IL23R: variants seen among roughly 807,000 people sequenced by gnomAD.
The protein encoded by IL23R is interleukin 23 receptor.
A neutral mutation model predicts 56.9 loss-of-function variants in IL23R; 34 were observed. That is an observed-to-expected ratio of 0.60 (90% CI 0.45 to 0.80). The LOEUF (loss-of-function observed/expected upper bound fraction) is 0.80, where lower values mean the gene tolerates loss of function less well. Ranked by LOEUF, IL23R falls within the 30% of genes least tolerant of loss-of-function variation. The probability of loss-of-function intolerance (pLI) is 0.00; values close to 1 mark genes in which losing one functional copy is unlikely to be tolerated. For missense variants in IL23R, 635 were observed against 730.0 expected, an observed-to-expected ratio of 0.87 and a Z score of 1.50; for synonymous variants, 230 against 249.2, an observed-to-expected ratio of 0.92 and a Z score of 0.73.
intron 1 of IL23R, among the ~76,000 whole-genome samples, chr1:67,147,556 C>T (rs1035925644): frequency 2.0e-5 from 3 of 151,934 alleles, no homozygotes; most frequent in Non-Finnish European, 4.4e-5. Flanking sequence ...AAAAATTAGC[C>T]AGGCGTGTTG....
intron 1 of IL23R, among the ~76,000 whole-genome samples, chr1:67,158,976 A>G (rs1190833982): frequency 5.4e-5 from 1 of 18,510 alleles, no homozygotes; most frequent in Admixed American, 4.7e-4. Context: ...TAGTGAGACT[A>G]TCACTATCAT....
At chr1:67,245,985 A>G (rs1418155463) in intron 9 of IL23R, among the ~76,000 whole-genome samples, 2 of 152,142 alleles carry the variant, frequency 1.3e-5, no homozygotes, top group Non-Finnish European at 2.9e-5. Context: ...CCTCAATTTC[A>G]GAACTGGTTT....
intron 4 of IL23R, among the ~76,000 whole-genome samples, chr1:67,184,823 A>C (rs1382511686): frequency 6.6e-6 from 1 of 152,134 alleles, no homozygotes; most frequent in Non-Finnish European, 1.5e-5. Flanking sequence ...TCCTCCTAAA[A>C]TTCATATGTT....
chr1:67,224,377 A>G (rs973214724), intron 7 of IL23R, among the ~76,000 whole-genome samples: 5 of 152,246 alleles, frequency 3.3e-5, no homozygotes, highest in Non-Finnish European at 7.3e-5. Flanking sequence ...TTTATGAAGA[A>G]ACACAGCCCA....
At chr1:67,163,263 G>A (rs1646838568), upstream of IL23R, among the ~76,000 whole-genome samples, 2 of 151,860 alleles carry the variant, frequency 1.3e-5, no homozygotes, top group Admixed American at 6.6e-5. Context: ...GAGATTAGGA[G>A]TTTGAGACCA....
chr1:67,258,308 G>A (rs1267672016), intron 10 of IL23R, among the ~76,000 whole-genome samples, 170 bp from the exon 11 acceptor site: 1 of 152,008 alleles, frequency 6.6e-6, no homozygotes, highest in Non-Finnish European at 1.5e-5. Context: ...TTGGAAGCAA[G>A]CAGGATAACA....
intron 1 of IL23R, among the ~76,000 whole-genome samples, chr1:67,149,933 C>G (rs1570756140): frequency 6.6e-6 from 1 of 152,142 alleles, no homozygotes; most frequent in Middle Eastern, 3.4e-3. Flanking sequence ...TTCTGGTAAC[C>G]CTCTTAAGGA....
chr1:67,169,730 A>G (rs2102556568), intron 3 of IL23R, 92 bp downstream of exon 3: 1 of 1,190,484 alleles, frequency 8.4e-7, no homozygotes, highest in Admixed American at 1.7e-5. Context: ...GGGACAAAAT[A>G]ATATAGTTCA....
At chr1:67,156,438 C>CGA (rs1646770631) in intron 1 of IL23R, among the ~76,000 whole-genome samples, 1 of 152,132 alleles carries the variant, frequency 6.6e-6, no homozygotes, top group Non-Finnish European at 1.5e-5. Flanking sequence ...GTGTTCTGTC[C>CGA]CAGGGAGAAG....
intron 9 of IL23R, among the ~76,000 whole-genome samples, chr1:67,245,312 C>A (rs1558262986): frequency 6.6e-6 from 1 of 152,128 alleles, no homozygotes; most frequent in Non-Finnish European, 1.5e-5. Context: ...CTTTCTCTTG[C>A]CTGATTGCCC....
At chr1:67,181,497 G>A (rs1261418139) in intron 3 of IL23R, among the ~76,000 whole-genome samples, 1 of 152,108 alleles carries the variant, frequency 6.6e-6, no homozygotes, top group African/African-American at 2.4e-5. Context: ...GTCCTTTAAG[G>A]ACTTCTCTGC....
intron 3 of IL23R, among the ~76,000 whole-genome samples, chr1:67,177,871 G>A (rs1472400393): frequency 7.3e-5 from 11 of 151,084 alleles, no homozygotes; most frequent in Non-Finnish European, 1.5e-5. Flanking sequence ...TTATTAAATA[G>A]GGAATCCTTT....
intron 7 of IL23R, among the ~76,000 whole-genome samples, chr1:67,222,385 G>T (rs958429666): frequency 6.6e-6 from 1 of 152,092 alleles, no homozygotes; most frequent in African/African-American, 2.4e-5. Context: ...CCAAAGTGCT[G>T]GGATTACAGG....
At chr1:67,218,439 T>G (rs1650017974) in intron 6 of IL23R, among the ~76,000 whole-genome samples, 1 of 151,276 alleles carries the variant, frequency 6.6e-6, no homozygotes, top group Non-Finnish European at 1.5e-5. Context: ...ACAGCTTAGC[T>G]TATAGGTATT....
chr1:67,138,723 A>T (rs193128767), upstream of IL23R, among the ~76,000 whole-genome samples: 165 of 152,302 alleles, frequency 1.1e-3, no homozygotes, highest in African/African-American at 3.8e-3. Flanking sequence ...TTGTAACTTA[A>T]TGGGAATTTT....
intron 6 of IL23R, among the ~76,000 whole-genome samples, chr1:67,214,561 G>A (rs1649705206): frequency 1.3e-5 from 2 of 152,222 alleles, no homozygotes; most frequent in Non-Finnish European, 2.9e-5. Context: ...GGCCTATGTA[G>A]CACCACCAGG....
Position 67,207,551 on chromosome 1 carries a change from C to T in IL23R, c.798+496C>T, listed in dbSNP as rs577232142. 48 of 329,080 alleles carry T rather than the reference C, an allele frequency of 1.5e-4. 1 individual carries two copies. The highest frequency in any genetic ancestry group is 5.4e-4 in the South Asian group (20 of 37,142). The allele number at this position is 329,080 out of a possible 1,614,324, so 20.4% of individuals were successfully genotyped here. A position where few individuals can be genotyped will look rare whatever the true frequency, so the allele number is the denominator to read the frequency against. ...AGGCCAGTCTTTCCCACACTAGTCT[C>T]GTGATAGTGAATAAGTCTCACGAGA... is the stretch of plus-strand genomic sequence containing the variant. On this transcript the variant is annotated intron_variant, in intron 6 of 10. Transcript: ENST00000347310.
At chr1:67,264,156 C>A (rs1653283382), downstream of IL23R, among the ~76,000 whole-genome samples, 1 of 152,218 alleles carries the variant, frequency 6.6e-6, no homozygotes, top group African/African-American at 2.4e-5. Flanking sequence ...CAAAACCAAA[C>A]CTTCCTATAC....
chr1:67,227,430 CT>C (rs3052957), intron 7 of IL23R, among the ~76,000 whole-genome samples: 38 of 147,158 alleles, frequency 2.6e-4, no homozygotes, highest in African/African-American at 4.2e-4. Flanking sequence ...TCATATTACT[CT>C]TTTTTTTTTT....
Sources: gnomAD v4.1 joint callset for allele counts (sites outside exome capture counted in the v4.1 genomes callset) on GRCh38, gnomAD v4.1.1 for gene constraint, MANE v1.5 for transcripts, NCBI Gene and HGNC (gene_info 2026-07-23, HGNC 2026-07-21) for gene names.